Variants in FBXL2 observed in about 807,000 individuals in gnomAD.
FBXL2 encodes the protein F-box/LRR-repeat protein 2.
Under a neutral mutation model 69.2 loss-of-function variants are expected in FBXL2, and 38 were observed. The ratio of observed to expected loss-of-function variants is 0.55; its 90% CI spans 0.42 to 0.72. The LOEUF (loss-of-function observed/expected upper bound fraction) is 0.72. Among genes scored for constraint, FBXL2 ranks in the 30% least tolerant of loss-of-function variants. The probability of loss-of-function intolerance (pLI) is 0.00; values close to 1 mark genes in which losing one functional copy is unlikely to be tolerated. For missense variants in FBXL2, 354 were observed against 520.3 expected (o/e 0.68, Z 3.11); for synonymous variants, 192 against 201.3 (o/e 0.95, Z 0.39).
rs766209244 is a variant in FBXL2 at position 33,377,261 on chromosome 3, CTT to C, written c.789-10_789-9del. The C allele has an allele frequency of 1.3e-4, 202 of 1,613,644 alleles. 1 individual carries two copies. The Middle Eastern group carries it at 5.9e-3, about 47-fold the overall frequency. Reference sequence around the variant, plus strand: ...GGTACCGTTTTCTCCCCTGTACCCACTTTCTCCTCAGAATTTTGGAGGCTGCC... The same window carrying C: ...GGTACCGTTTTCTCCCCTGTACCCACTCTCCTCAGAATTTTGGAGGCTGCC... On this transcript the variant is annotated splice_polypyrimidine_tract_variant and intron_variant, in intron 10 of 14. Coordinates refer to ENST00000484457, the MANE Select transcript of FBXL2 (RefSeq NM_012157.5).
intron 5 of FBXL2, among the ~76,000 whole-genome samples, chr3:33,367,585 CTT>C (rs74867316): frequency 6.9e-6 from 1 of 145,796 alleles, no homozygotes. Flanking sequence ...TAATTGTTGT[CTT>C]TTTTTTTTTG....
intron 1 of FBXL2, 88 bp from the exon 2 acceptor site, chr3:33,297,576 G>T (rs939842604): frequency 1.4e-4 from 108 of 756,648 alleles, no homozygotes; most frequent in Admixed American, 1.2e-3. Flanking sequence ...AATTGGGGCC[G>T]TTCTGATCTA....
chr3:33,388,034 C>T lies in FBXL2; in HGVS notation c.*2426C>T, dbSNP rs4678948. 11,954 of 145,242 alleles carry T rather than the reference C, an allele frequency of 0.082. 540 individuals are homozygous for T. Among genetic ancestry groups the T allele is most frequent in the Admixed American group, 0.1 (1,471 of 14,354 alleles). The allele number at this position is 145,242 out of a possible 1,614,324, so 9.0% of individuals were successfully genotyped here. A position where few individuals can be genotyped will look rare whatever the true frequency, so the allele number is the denominator to read the frequency against. Reference sequence around the variant, plus strand: ...GCAGTGAGCCGAGATTGCGCCACTGCACTCCAGCCTGGGTGACAGAGCCAG... The same window carrying T: ...GCAGTGAGCCGAGATTGCGCCACTGTACTCCAGCCTGGGTGACAGAGCCAG... On this transcript the variant is annotated 3_prime_UTR_variant, in exon 15 of 15. Transcript: ENST00000484457.
intron 2 of FBXL2, among the ~76,000 whole-genome samples, chr3:33,318,728 A>G (rs1487410795): frequency 8.2e-6 from 1 of 121,646 alleles, no homozygotes; most frequent in Non-Finnish European, 1.6e-5. Flanking sequence ...TTTTTTAAAC[A>G]TAACTGATGT....
chr3:33,403,793 C>G (rs535788854), downstream of FBXL2: 2 of 152,180 alleles, frequency 1.3e-5, no homozygotes, highest in Non-Finnish European at 2.9e-5. Context: ...AGTCTTCAGA[C>G]TTGAGATACA....
At chr3:33,403,119 A>G in intron 12 of FBXL2, 1 of 483,912 alleles carries the variant, frequency 2.1e-6, no homozygotes, top group Non-Finnish European at 3.7e-6. Context: ...AATCTTAGAG[A>G]AGACCTAAAG....
chr3:33,422,057 T>C, the FBXL2 span, among the ~76,000 whole-genome samples: 1 of 151,920 alleles, frequency 6.6e-6, no homozygotes, highest in African/African-American at 2.4e-5. Context: ...AATAAATAAA[T>C]AATAAAATTA....
At chr3:33,366,679 A>G (rs112140393) in intron 5 of FBXL2, among the ~76,000 whole-genome samples, 2,021 of 152,122 alleles carry the variant, frequency 0.013, 20 homozygotes, top group South Asian at 0.026. Flanking sequence ...AATAAAAACA[A>G]TTTGGCTGGG....
intron 2 of FBXL2, among the ~76,000 whole-genome samples, chr3:33,303,651 CTGTA>C (rs924938103): frequency 6.6e-6 from 1 of 151,968 alleles, no homozygotes; most frequent in Non-Finnish European, 1.5e-5. Context: ...GTGAATTTGA[CTGTA>C]TGAATCGTGA....
chr3:33,358,371 C>G (rs113873890), intron 2 of FBXL2, among the ~76,000 whole-genome samples: 1,990 of 152,352 alleles, frequency 0.013, 21 homozygotes, highest in South Asian at 0.025. Context: ...CTACTGCTTC[C>G]TCTAAGGCAT....
chr3:33,416,810 A>G, the FBXL2 span: 1 of 1,613,700 alleles, frequency 6.2e-7, no homozygotes, highest in Non-Finnish European at 8.5e-7. Flanking sequence ...CCGATTATCC[A>G]GCATCCGAAT....
At chr3:33,372,714 G>T in intron 5 of FBXL2, 2 of 329,640 alleles carry the variant, frequency 6.1e-6, no homozygotes, top group Non-Finnish European at 1.1e-5. Flanking sequence ...TAGAAGATTT[G>T]CCCCCTTGGT....
chr3:33,362,402 C>G (rs1449755561), intron 4 of FBXL2, among the ~76,000 whole-genome samples: 1 of 152,176 alleles, frequency 6.6e-6, no homozygotes, highest in Non-Finnish European at 1.5e-5. Context: ...GCCCTTCATT[C>G]TAAAAGCATG....
downstream of FBXL2, chr3:33,388,943 A>G (rs2043641441): frequency 1.3e-5 from 2 of 152,326 alleles, no homozygotes; most frequent in African/African-American, 2.4e-5. Context: ...CAAATAGTAC[A>G]TTCAAATCAG....
At chr3:33,408,546 G>C (rs968068877), downstream of FBXL2, 1 of 582,740 alleles carries the variant, frequency 1.7e-6, no homozygotes, top group Non-Finnish European at 2.9e-6. Context: ...ACAAACAGAA[G>C]CAGGAAGTCT....
intron 12 of FBXL2, among the ~76,000 whole-genome samples, chr3:33,395,754 A>C (rs1421471930): frequency 1.7e-5 from 2 of 114,984 alleles, no homozygotes; most frequent in African/African-American, 3.0e-5. Flanking sequence ...AAAATTGAAA[A>C]AAAAAAAAAA....
At chr3:33,419,097 CAGAA>C in the FBXL2 span, among the ~76,000 whole-genome samples, 1 of 152,040 alleles carries the variant, frequency 6.6e-6, no homozygotes, top group Admixed American at 6.6e-5. Flanking sequence ...TAAAGTGTAA[CAGAA>C]AGAAGAGTTG....
At chr3:33,409,894 T>G in the FBXL2 span, among the ~76,000 whole-genome samples, 35 of 152,330 alleles carry the variant, frequency 2.3e-4, no homozygotes, top group African/African-American at 7.2e-4. Context: ...TAGCTTCCTA[T>G]GTATACTGCC....
chr3:33,350,806 T>G (rs1284028410), intron 2 of FBXL2, among the ~76,000 whole-genome samples: 6 of 152,102 alleles, frequency 3.9e-5, no homozygotes, highest in Non-Finnish European at 8.8e-5. Context: ...ATGTCCCCTT[T>G]CACCACTCCT....
Sources: allele counts gnomAD v4.1 joint callset (sites outside exome capture counted in the v4.1 genomes callset), GRCh38; gene constraint gnomAD v4.1.1; transcripts MANE v1.5; gene names NCBI Gene and HGNC (gene_info 2026-07-23, HGNC 2026-07-21).